Variants in ADGRV1 observed in about 807,000 individuals in gnomAD.
The protein encoded by ADGRV1 is G-protein coupled receptor 98.
Under a neutral mutation model 596.2 loss-of-function variants are expected in ADGRV1, and 359 were observed. The observed-to-expected ratio is 0.60, with a 90% confidence interval of 0.55 to 0.66. ADGRV1 has a LOEUF of 0.66. ADGRV1 is among the 30% of genes least tolerant of loss of function. ADGRV1 has a pLI of 0.00. For synonymous variants in ADGRV1, 2,681 were observed against 2,679.2 expected (o/e 1.00, Z -0.02); for missense variants, 7,274 against 7,575.6 (o/e 0.96, Z 1.48).
chr5:90,600,643 G>A (rs189810040), intron 1 of ADGRV1, among the ~76,000 whole-genome samples: 12 of 152,298 alleles, frequency 7.9e-5, no homozygotes, highest in Non-Finnish European at 1.6e-4. Context: ...ATAGTGGCAC[G>A]ATTTATAATC....
chr5:90,835,839 C>T (rs1764924874), intron 77 of ADGRV1, among the ~76,000 whole-genome samples: 1 of 152,078 alleles, frequency 6.6e-6, no homozygotes, highest in Non-Finnish European at 1.5e-5. Context: ...CAGACCTACC[C>T]TGAAAGAATG....
chr5:90,956,158 T>C (rs1468189288), intron 83 of ADGRV1, among the ~76,000 whole-genome samples: 1 of 152,166 alleles, frequency 6.6e-6, no homozygotes, highest in Non-Finnish European at 1.5e-5. Context: ...ATATTTTCAA[T>C]TGATAACTTA....
chr5:90,958,168 C>A (rs1371789512), intron 83 of ADGRV1, among the ~76,000 whole-genome samples: 1 of 150,584 alleles, frequency 6.6e-6, no homozygotes, highest in East Asian at 1.9e-4. Context: ...CTGTAGTCCC[C>A]AGCTACTTCT....
At chr5:91,151,690 A>G (rs1017837713) in intron 88 of ADGRV1, among the ~76,000 whole-genome samples, 1 of 152,224 alleles carries the variant, frequency 6.6e-6, no homozygotes, top group South Asian at 2.1e-4. Flanking sequence ...GCATGTGGCT[A>G]TTTAAATTTA....
At chr5:90,727,102 G>A (rs1055294962) in intron 48 of ADGRV1, among the ~76,000 whole-genome samples, 3 of 152,032 alleles carry the variant, frequency 2.0e-5, no homozygotes, top group Middle Eastern at 3.4e-3. Flanking sequence ...TTTTATTAGT[G>A]GGGGGGATGG....
intron 5 of ADGRV1, among the ~76,000 whole-genome samples, chr5:90,623,546 G>T (rs1316970): frequency 2.6e-5 from 4 of 151,912 alleles, no homozygotes; most frequent in South Asian, 2.1e-4. Flanking sequence ...TGAATAGCTG[G>T]GAGTACAGGT....
At chr5:90,786,030 G>A (rs956983710) in intron 67 of ADGRV1, among the ~76,000 whole-genome samples, 8 of 152,074 alleles carry the variant, frequency 5.3e-5, no homozygotes, top group Non-Finnish European at 8.8e-5. Context: ...GACTGGATTA[G>A]GAAAATGTGG....
chr5:91,131,647 G>A (rs939292484), intron 87 of ADGRV1, among the ~76,000 whole-genome samples: 1 of 151,782 alleles, frequency 6.6e-6, no homozygotes, highest in African/African-American at 2.4e-5. Context: ...TTGTCTGTTT[G>A]TTTTTCTGTT....
intron 74 of ADGRV1, among the ~76,000 whole-genome samples, chr5:90,812,300 G>A (rs549102177): frequency 6.6e-6 from 1 of 152,212 alleles, no homozygotes; most frequent in South Asian, 2.1e-4. Flanking sequence ...GAAGTGACAG[G>A]CTATCTCATG....
Position 90,825,329 on chromosome 5 carries a change from C to T in ADGRV1, c.16368+1733C>T, listed in dbSNP as rs1763983289. On this transcript the variant is annotated intron_variant, in intron 76 of 89. Transcript: ENST00000405460. ...ACCTCTAGTTGGAGTCGTTGATTCT[C>T]TAAATTTATAAAACATTATCTGTTC... 2.0e-5 allele frequency among the ~76,000 whole-genome samples: 3 copies of T among 151,874 alleles called. No homozygotes were observed. The South Asian group carries it at 6.3e-4, about 32-fold the overall frequency.
chr5:90,928,362 C>T (rs1774757542), intron 83 of ADGRV1, among the ~76,000 whole-genome samples: 1 of 151,842 alleles, frequency 6.6e-6, no homozygotes, highest in Admixed American at 6.6e-5. Flanking sequence ...AACTTTCCTT[C>T]TCACTTCATT....
chr5:90,722,485 C>T (rs1471334243), intron 45 of ADGRV1, among the ~76,000 whole-genome samples: 1 of 151,038 alleles, frequency 6.6e-6, no homozygotes, highest in Non-Finnish European at 1.5e-5. Context: ...CCGAGGTGGG[C>T]GGATCACCTG....
chr5:91,074,688 C>T (rs1366294134), intron 86 of ADGRV1, among the ~76,000 whole-genome samples: 3 of 152,084 alleles, frequency 2.0e-5, no homozygotes, highest in African/African-American at 7.2e-5. Flanking sequence ...GGGTACATAC[C>T]CAGCAATGGG....
intron 34 of ADGRV1, among the ~76,000 whole-genome samples, chr5:90,702,275 T>C (rs1748004758): frequency 6.6e-6 from 1 of 151,888 alleles, no homozygotes; most frequent in Non-Finnish European, 1.5e-5. Flanking sequence ...TTCATTTTCA[T>C]CCCAATCTTT....
At chr5:91,099,785 A>T (rs1040732794) in intron 86 of ADGRV1, among the ~76,000 whole-genome samples, 2 of 152,200 alleles carry the variant, frequency 1.3e-5, no homozygotes, top group African/African-American at 4.8e-5. Context: ...TAACCCCGTG[A>T]TGTTGGGTTG....
chr5:90,598,366 A>T (rs1760973418), intron 1 of ADGRV1, among the ~76,000 whole-genome samples: 1 of 152,254 alleles, frequency 6.6e-6, no homozygotes, highest in Non-Finnish European at 1.5e-5. Flanking sequence ...GAACGAAAAG[A>T]CTAAGCTCTT....
At chr5:90,651,582 G>T (rs1768631995) in intron 17 of ADGRV1, 22 bp from the exon 18 acceptor site, 2 of 1,421,712 alleles carry the variant, frequency 1.4e-6, no homozygotes, top group East Asian at 2.4e-5. Context: ...TTGTTATTTT[G>T]TCTTTTCCAC....
chr5:90,887,883 C>G (rs1323265268), intron 83 of ADGRV1, among the ~76,000 whole-genome samples: 1 of 152,070 alleles, frequency 6.6e-6, no homozygotes, highest in Admixed American at 6.6e-5. Context: ...TTTTGTACCA[C>G]AGTTTTTTTA....
chr5:91,104,862 T>TTC (rs1359392259), intron 87 of ADGRV1, among the ~76,000 whole-genome samples: 11 of 109,816 alleles, frequency 1.0e-4, no homozygotes, highest in Admixed American at 4.2e-4. Flanking sequence ...TTTCTTTTCT[T>TTC]TTTTTTTTTT....
Sources: allele counts gnomAD v4.1 joint callset (sites outside exome capture counted in the v4.1 genomes callset), GRCh38; gene constraint gnomAD v4.1.1; transcripts MANE v1.5; gene names NCBI Gene and HGNC (gene_info 2026-07-23, HGNC 2026-07-21).